The following MYO9A variants were observed in gnomAD, a reference collection of about 807,000 sequenced individuals.
MYO9A encodes unconventional myosin-IXa.
In MYO9A, 103 loss-of-function variants were observed where a neutral mutation model predicts 293.3. That is an observed-to-expected ratio of 0.35 (90% CI 0.30 to 0.41). The LOEUF is 0.41. Among genes scored for constraint, MYO9A ranks in the 10% least tolerant of loss-of-function variants. The probability of loss-of-function intolerance (pLI) is 1.00; values close to 1 mark genes in which losing one functional copy is unlikely to be tolerated. For synonymous variants in MYO9A, 1,001 were observed against 1,035.7 expected, an observed-to-expected ratio of 0.97 and a Z score of 0.64; for missense variants, 2,685 against 3,033.0, an observed-to-expected ratio of 0.89 and a Z score of 2.69.
rs554135004 is a variant in MYO9A at position 71,854,905 on chromosome 15, C to T, written c.6154-336G>A. On this transcript the variant is annotated intron_variant, in intron 34 of 41. Coordinates refer to ENST00000356056, the MANE Select transcript of MYO9A (RefSeq NM_006901.4). ...TTTTATATGCAAACAGCTTGACCAC[C>T]TACCAGATACCACTAGAAAATCTAC... Among the ~76,000 whole-genome samples, 4 of 152,276 alleles carry T rather than the reference C, an allele frequency of 2.6e-5. No homozygotes were observed. In the South Asian group the frequency reaches 8.3e-4, roughly 32 times the overall value.
intron 25 of MYO9A, chr15:71,897,200 C>G: frequency 2.3e-6 from 1 of 440,982 alleles, no homozygotes; most frequent in Non-Finnish European, 4.1e-6. Context: ...AGGCACTGTA[C>G]TGCCCTTCAC....
At chr15:72,066,537 A>T (rs28639924) in intron 1 of MYO9A, among the ~76,000 whole-genome samples, 7,492 of 151,948 alleles carry the variant, frequency 0.049, 310 homozygotes, top group East Asian at 0.18. Flanking sequence ...AAAGAGTACA[A>T]ACTAAATTAT....
intron 39 of MYO9A, among the ~76,000 whole-genome samples, chr15:71,837,654 A>G (rs1033623477): frequency 6.6e-6 from 1 of 152,084 alleles, no homozygotes; most frequent in Non-Finnish European, 1.5e-5. Context: ...AAACAAGCTC[A>G]ACAGATCTGA....
Position 71,916,502 on chromosome 15 carries a change from G to C in MYO9A, c.2563-10C>G. 6.3e-7 allele frequency: 1 copy of C among 1,585,412 alleles called. No homozygotes were observed. Among genetic ancestry groups the C allele is most frequent in the Non-Finnish European group, 8.5e-7 (1 of 1,172,430 alleles). On this transcript the variant is annotated splice_polypyrimidine_tract_variant and intron_variant, in intron 18 of 41. Coordinates refer to ENST00000356056, the MANE Select transcript of MYO9A (RefSeq NM_006901.4). ...TTACTTCTAGCAAGTGCTGAAAGAAGAGAAAAAATAAATTGCTCACATAAA... is the reference window on the plus strand; with the variant it reads ...TTACTTCTAGCAAGTGCTGAAAGAACAGAAAAAATAAATTGCTCACATAAA...
At chr15:71,868,981 C>A (rs1189683621) in intron 32 of MYO9A, among the ~76,000 whole-genome samples, 1 of 152,102 alleles carries the variant, frequency 6.6e-6, no homozygotes, top group Non-Finnish European at 1.5e-5. Flanking sequence ...TGTCCAGTGG[C>A]ACTTCCTTTG....
chr15:72,100,225 T>C (rs974995223), intron 1 of MYO9A, among the ~76,000 whole-genome samples: 2 of 151,648 alleles, frequency 1.3e-5, no homozygotes, highest in African/African-American at 2.4e-5. Context: ...CTACAAAAAA[T>C]AGAAAAATTA....
chr15:71,983,546 A>AG (rs1363186740), intron 11 of MYO9A, among the ~76,000 whole-genome samples: 1 of 129,466 alleles, frequency 7.7e-6, no homozygotes, highest in Non-Finnish European at 1.5e-5. Flanking sequence ...GCGTGATCTC[A>AG]GCTCACTGGA....
At chr15:71,905,687 T>C (rs1278708261) in intron 19 of MYO9A, among the ~76,000 whole-genome samples, 1 of 131,118 alleles carries the variant, frequency 7.6e-6, no homozygotes, top group Non-Finnish European at 1.5e-5. Flanking sequence ...TACTTAAACC[T>C]GGGAGGTGGA....
At position 71,933,662 on chromosome 15, in the gene MYO9A, G is replaced by C; in HGVS notation, c.2562+8C>G. ...TACCAATACAAAAAAAGTTTTCATA[G>C]TACTCACCTTTGGAAGGGCAGGCTT... On this transcript the variant is annotated splice_region_variant and intron_variant, in intron 18 of 41. Transcript: ENST00000356056. 2 of 1,601,184 alleles carry C rather than the reference G, an allele frequency of 1.2e-6. No homozygotes were observed. The highest frequency in any genetic ancestry group is 2.3e-5 in the East Asian group (1 of 44,196).
intron 6 of MYO9A, among the ~76,000 whole-genome samples, chr15:72,014,546 C>T (rs1055927202): frequency 7.2e-5 from 11 of 151,970 alleles, no homozygotes; most frequent in Non-Finnish European, 1.6e-4. Context: ...ATTAGCCAGG[C>T]GTGGTGCCGG....
At chr15:72,040,643 T>C (rs1227628087) in intron 2 of MYO9A, among the ~76,000 whole-genome samples, 1 of 152,228 alleles carries the variant, frequency 6.6e-6, no homozygotes, top group Non-Finnish European at 1.5e-5. Context: ...TTGACCAGAC[T>C]GGAGTGCAAT....
chr15:72,074,348 A>C (rs1192265159), intron 1 of MYO9A, among the ~76,000 whole-genome samples: 1 of 152,178 alleles, frequency 6.6e-6, no homozygotes, highest in African/African-American at 2.4e-5. Context: ...CACTATATTA[A>C]AAAGACAAAG....
intron 6 of MYO9A, among the ~76,000 whole-genome samples, chr15:72,018,271 C>T (rs1298858949): frequency 2.0e-5 from 3 of 151,862 alleles, no homozygotes; most frequent in Non-Finnish European, 4.4e-5. Flanking sequence ...AGTTCAAGAC[C>T]AGCCTGGACA....
intron 28 of MYO9A, among the ~76,000 whole-genome samples, chr15:71,880,784 G>A (rs2056850029): frequency 6.6e-6 from 1 of 152,134 alleles, no homozygotes; most frequent in Non-Finnish European, 1.5e-5. Flanking sequence ...AAAGGGAGAT[G>A]ATATCATATC....
intron 39 of MYO9A, among the ~76,000 whole-genome samples, chr15:71,835,241 G>A (rs1226159782): frequency 6.6e-6 from 1 of 152,152 alleles, no homozygotes; most frequent in Non-Finnish European, 1.5e-5. Flanking sequence ...CTGGGAACAT[G>A]CCAGTAATGA....
chr15:71,940,236 G>C (rs916108713), intron 15 of MYO9A, among the ~76,000 whole-genome samples: 1 of 151,420 alleles, frequency 6.6e-6, no homozygotes. Flanking sequence ...GGCCCATGCT[G>C]GTAATCCCAA....
chr15:71,887,094 T>C (rs989138655), intron 27 of MYO9A, among the ~76,000 whole-genome samples: 1 of 152,170 alleles, frequency 6.6e-6, no homozygotes, highest in Non-Finnish European at 1.5e-5. Context: ...AATTATCTCC[T>C]GAAAGGCCTT....
At chr15:72,115,423 T>A (rs561676650) in intron 1 of MYO9A, among the ~76,000 whole-genome samples, 42 of 152,074 alleles carry the variant, frequency 2.8e-4, no homozygotes, top group African/African-American at 9.6e-4. Flanking sequence ...AAAAACAAAA[T>A]CCCACTCCTT....
At chr15:72,113,499 A>G (rs2080856670) in intron 1 of MYO9A, among the ~76,000 whole-genome samples, 1 of 152,216 alleles carries the variant, frequency 6.6e-6, no homozygotes, top group Non-Finnish European at 1.5e-5. Context: ...TAAGAGTTAG[A>G]TCATGAATGA....
Sources: gnomAD v4.1 joint callset for allele counts (sites outside exome capture counted in the v4.1 genomes callset) on GRCh38, gnomAD v4.1.1 for gene constraint, MANE v1.5 for transcripts, NCBI Gene and HGNC (gene_info 2026-07-23, HGNC 2026-07-21) for gene names.